Variants in KCNMB2 observed in about 807,000 individuals in gnomAD.
KCNMB2 encodes calcium-activated potassium channel subunit beta-2.
In KCNMB2, 9 loss-of-function variants were observed where a neutral mutation model predicts 24.5. The ratio of observed to expected loss-of-function variants is 0.37; its 90% confidence interval spans 0.22 to 0.64. The LOEUF (loss-of-function observed/expected upper bound fraction) is 0.64. KCNMB2 is among the 30% of genes least tolerant of loss of function. The pLI is 0.63. For missense variants in KCNMB2, 226 were observed against 284.3 expected (o/e 0.79, Z 1.47); for synonymous variants, 109 against 104.4 (o/e 1.04, Z -0.27).
chr3:178,813,979 G>GT (rs747907828), intron 2 of KCNMB2, among the ~76,000 whole-genome samples: 3 of 127,338 alleles, frequency 2.4e-5, no homozygotes, highest in African/African-American at 8.4e-5. Flanking sequence ...TGTTGTTGTT[G>GT]TTGTTGCTGC....
At chr3:178,750,173 C>A (rs1368728899) in intron 1 of KCNMB2, among the ~76,000 whole-genome samples, 5 of 151,738 alleles carry the variant, frequency 3.3e-5, no homozygotes, top group African/African-American at 1.2e-4. Context: ...AATCCACTTA[C>A]TCTGCCAGTA....
chr3:178,547,794 C>T (rs900049236), intron 1 of KCNMB2, among the ~76,000 whole-genome samples: 9 of 152,318 alleles, frequency 5.9e-5, no homozygotes, highest in Admixed American at 2.0e-4. Context: ...CCTTGCTCTT[C>T]CAACCCAAGT....
chr3:178,763,795 T>A (rs1461840889), intron 1 of KCNMB2, among the ~76,000 whole-genome samples: 1 of 152,154 alleles, frequency 6.6e-6, no homozygotes, highest in East Asian at 1.9e-4. Context: ...TAGAAAACCA[T>A]AGGTTATGTT....
intron 2 of KCNMB2, among the ~76,000 whole-genome samples, chr3:178,814,896 A>G (rs2108458770): frequency 6.6e-6 from 1 of 152,226 alleles, no homozygotes; most frequent in East Asian, 1.9e-4. Flanking sequence ...AGAGCTTGCA[A>G]ATATTTTCTC....
intron 1 of KCNMB2, among the ~76,000 whole-genome samples, chr3:178,737,161 T>G (rs1257070744): frequency 6.6e-6 from 1 of 151,868 alleles, no homozygotes; most frequent in East Asian, 1.9e-4. Flanking sequence ...TCCCAACTGC[T>G]CGGGAGGCTG....
rs149188021 is a variant in KCNMB2 at position 178,648,246 on chromosome 3, T to G, written c.-68+111535T>G. On this transcript the variant is annotated intron_variant, in intron 1 of 4. Coordinates refer to ENST00000452583, the MANE Select transcript of KCNMB2 (RefSeq NM_181361.3). ...ATACACAAAAATATTATGTCATAAA[T>G]AAGTTGTTTTACCAGGCACAATGGC... 3.2e-3 allele frequency among the ~76,000 whole-genome samples: 489 copies of G among 152,280 alleles called. 2 individuals carry two copies. Among genetic ancestry groups the G allele is most frequent in the African/African-American group, 0.011 (451 of 41,558 alleles).
At chr3:178,732,224 GT>G (rs1271869922) in intron 1 of KCNMB2, among the ~76,000 whole-genome samples, 2 of 152,134 alleles carry the variant, frequency 1.3e-5, no homozygotes, top group African/African-American at 4.8e-5. Context: ...TTGTGATTGT[GT>G]TTTTTAAAAG....
chr3:178,625,169 A>AG (rs1015955029), intron 1 of KCNMB2, among the ~76,000 whole-genome samples: 2 of 151,980 alleles, frequency 1.3e-5, no homozygotes, highest in African/African-American at 4.8e-5. Flanking sequence ...CCCAGGAGCC[A>AG]GGGGGCACCT....
chr3:178,825,368 T>C (rs9844536), intron 2 of KCNMB2, among the ~76,000 whole-genome samples: 68,724 of 151,900 alleles, frequency 0.45, 18,176 homozygotes, highest in African/African-American at 0.74. Context: ...AGGGCTTATT[T>C]CTGCTCAGGA....
chr3:178,770,985 A>C (rs1416402372), intron 1 of KCNMB2, among the ~76,000 whole-genome samples: 3 of 152,318 alleles, frequency 2.0e-5, no homozygotes, highest in East Asian at 3.9e-4. Flanking sequence ...TCCAACAGAT[A>C]CTCTCAGGAA....
At chr3:178,741,125 G>T (rs769868640) in intron 1 of KCNMB2, among the ~76,000 whole-genome samples, 1 of 152,214 alleles carries the variant, frequency 6.6e-6, no homozygotes, top group Non-Finnish European at 1.5e-5. Flanking sequence ...TCCATTTGCA[G>T]TTGAGGTCTT....
chr3:178,671,501 A>C (rs1720897484), intron 1 of KCNMB2, among the ~76,000 whole-genome samples: 1 of 152,086 alleles, frequency 6.6e-6, no homozygotes, highest in Non-Finnish European at 1.5e-5. Context: ...AGCAGTCTAG[A>C]CTCATTATCT....
intron 2 of KCNMB2, among the ~76,000 whole-genome samples, chr3:178,817,990 A>T (rs1577211562): frequency 6.6e-6 from 1 of 152,222 alleles, no homozygotes; most frequent in African/African-American, 2.4e-5. Flanking sequence ...TATTCAGCAC[A>T]TGTAAGTTCT....
At chr3:178,602,459 G>C (rs1718117300) in intron 1 of KCNMB2, among the ~76,000 whole-genome samples, 2 of 152,118 alleles carry the variant, frequency 1.3e-5, no homozygotes, top group South Asian at 4.2e-4. Flanking sequence ...TGACAGACAA[G>C]GAATCAGCAA....
At chr3:178,599,811 T>C (rs1476891059) in intron 1 of KCNMB2, among the ~76,000 whole-genome samples, 1 of 152,184 alleles carries the variant, frequency 6.6e-6, no homozygotes, top group African/African-American at 2.4e-5. Flanking sequence ...CTTTTCTCTT[T>C]CTATGAATTT....
intron 1 of KCNMB2, among the ~76,000 whole-genome samples, chr3:178,578,380 A>C (rs1236436439): frequency 6.6e-6 from 1 of 152,224 alleles, no homozygotes; most frequent in Admixed American, 6.5e-5. Context: ...CGAAGGATGC[A>C]CTAAATATGG....
At chr3:178,759,262 G>A (rs1205348759) in intron 1 of KCNMB2, among the ~76,000 whole-genome samples, 1 of 117,584 alleles carries the variant, frequency 8.5e-6, no homozygotes, top group Non-Finnish European at 1.7e-5. Context: ...TCTCCAAGAA[G>A]AGACAGATAC....
chr3:178,641,055 T>A (rs1009185621), intron 1 of KCNMB2, among the ~76,000 whole-genome samples: 1 of 152,192 alleles, frequency 6.6e-6, no homozygotes, highest in African/African-American at 2.4e-5. Flanking sequence ...TAATGATTTA[T>A]GTGTCTATTA....
chr3:178,612,146 G>T (rs1718504998), intron 1 of KCNMB2, among the ~76,000 whole-genome samples: 1 of 152,132 alleles, frequency 6.6e-6, no homozygotes, highest in Non-Finnish European at 1.5e-5. Flanking sequence ...TTGTAATGTT[G>T]TAAGACTTGT....
Sources: allele counts gnomAD v4.1 joint callset (sites outside exome capture counted in the v4.1 genomes callset), GRCh38; gene constraint gnomAD v4.1.1; transcripts MANE v1.5; gene names NCBI Gene and HGNC (gene_info 2026-07-23, HGNC 2026-07-21).